The following DERL2 variants were observed in gnomAD, a reference collection of about 807,000 sequenced individuals.
DERL2 encodes derlin 2.
A neutral mutation model predicts 32.0 loss-of-function variants in DERL2; 13 were observed. The observed-to-expected ratio is 0.41, with a 90% CI of 0.26 to 0.65. DERL2 has a LOEUF of 0.65. Among genes scored for constraint, DERL2 ranks in the 30% least tolerant of loss-of-function variants. The pLI is 0.35. For missense variants in DERL2, 208 were observed against 296.3 expected (o/e 0.70, Z 2.19); for synonymous variants, 111 against 104.7 (o/e 1.06, Z -0.37).
chr17:5,476,609 C>A (rs999695840), intron 6 of DERL2, among the ~76,000 whole-genome samples: 1 of 152,062 alleles, frequency 6.6e-6, no homozygotes, highest in African/African-American at 2.4e-5. Context: ...TGGCAAAACC[C>A]TATCTCTACT....
At chr17:5,475,600 G>A (rs1189008119) in intron 6 of DERL2, among the ~76,000 whole-genome samples, 1 of 152,034 alleles carries the variant, frequency 6.6e-6, no homozygotes, top group African/African-American at 2.4e-5. Flanking sequence ...ACAAAAATTA[G>A]CCTGGCGTGG....
rs991438790 is a variant in DERL2 at position 5,472,867 on chromosome 17, A to G, written c.*1817T>C. On this transcript the variant is annotated 3_prime_UTR_variant, in exon 7 of 7. Coordinates refer to ENST00000158771, the MANE Select transcript of DERL2 (RefSeq NM_016041.5). ...AGATAGGATAAAACTTAAGAATCCCATAAGGATTATACATGCTAAGATTGG... is the reference window on the plus strand; with the variant it reads ...AGATAGGATAAAACTTAAGAATCCCGTAAGGATTATACATGCTAAGATTGG... The G allele has an allele frequency of 1.3e-5, 2 of 152,224 alleles. No individual in the cohort carries two copies. Among genetic ancestry groups the G allele is most frequent in the South Asian group, 4.1e-4 (2 of 4,836 alleles). The allele number at this position is 152,224 out of a possible 1,614,324, so 9.4% of individuals were successfully genotyped here.
At chr17:5,486,788 C>T (rs565256822), upstream of DERL2, 4 of 152,560 alleles carry the variant, frequency 2.6e-5, no homozygotes, top group Admixed American at 6.5e-5. Context: ...GTCGGCCTCA[C>T]CCCGGCCTCC....
At chr17:5,485,293 T>C in intron 1 of DERL2, 77 bp from the exon 2 acceptor site, 1 of 1,061,430 alleles carries the variant, frequency 9.4e-7, no homozygotes, top group Non-Finnish European at 1.4e-6. Context: ...TTAGTAGGTC[T>C]AGCAATTTCC....
rs1327936388 is a variant in DERL2, at chr17:5,472,647, T to C, written c.*2037A>G. 4 of 152,166 alleles carry C rather than the reference T, an allele frequency of 2.6e-5. No homozygotes were observed. The highest frequency in any genetic ancestry group is 4.4e-5 in the Non-Finnish European group (3 of 68,030). The allele number at this position is 152,166 out of a possible 1,614,324, so 9.4% of individuals were successfully genotyped here. On this transcript the variant is annotated 3_prime_UTR_variant, in exon 7 of 7. Coordinates refer to ENST00000158771, the MANE Select transcript of DERL2 (RefSeq NM_016041.5). ...ATTAATGTATACAGATATTCCCTACTTAAATGAACAGTGAGTTAACAGATT... is the reference window on the plus strand; with the variant it reads ...ATTAATGTATACAGATATTCCCTACCTAAATGAACAGTGAGTTAACAGATT...
rs1905268283 is a variant in DERL2, at chr17:5,474,544, G to A, written c.*140C>T. On this transcript the variant is annotated 3_prime_UTR_variant, in exon 7 of 7. Coordinates refer to ENST00000158771, the MANE Select transcript of DERL2 (RefSeq NM_016041.5). The surrounding 1 kb of genome is among the most constrained non-coding windows in gnomAD (Gnocchi z 4.3). ...GGAAATGTCTTCTGGATTAGTCAGT[G>A]TACCATTTCATAAAGTGCTTCTGGA... 3.2e-6 allele frequency: 2 copies of A among 634,652 alleles called. No homozygotes were observed. The highest frequency in any genetic ancestry group is 4.0e-5 in the South Asian group (2 of 50,232). The allele number at this position is 634,652 out of a possible 1,614,324, so 39.3% of individuals were successfully genotyped here.
chr17:5,481,437 G>A lies in DERL2; in HGVS notation c.234-48C>T, dbSNP rs1475527513. The A allele has an allele frequency of 3.7e-6, 5 of 1,345,680 alleles. No individual in the cohort carries two copies. Among genetic ancestry groups the A allele is most frequent in the Non-Finnish European group, 5.3e-6 (5 of 941,898 alleles). The allele number at this position is 1,345,680 out of a possible 1,614,324, so 83.4% of individuals were successfully genotyped here. On this transcript the variant is annotated intron_variant, in intron 3 of 6. Coordinates refer to ENST00000158771, the MANE Select transcript of DERL2 (RefSeq NM_016041.5). This position sits in a 1 kb window ranked among gnomAD's most constrained non-coding sequence, Gnocchi z 4.4. ...TATTAAGCACACGAATATGAACAAA[G>A]TAAAAATTTAATGTTATCTTGTAAG...
At chr17:5,485,857 A>G (rs770038554) in intron 1 of DERL2, 4 of 441,182 alleles carry the variant, frequency 9.1e-6, no homozygotes, top group African/African-American at 2.0e-5. Context: ...TCTCTTAGAA[A>G]CTGACCTGAC....
upstream of DERL2, chr17:5,486,303 T>C (rs1318916209): frequency 6.8e-6 from 4 of 591,066 alleles, no homozygotes; most frequent in East Asian, 1.5e-4. Flanking sequence ...GCAACCGCAA[T>C]CCGTAGAGAC....
chr17:5,478,945 G>A (rs1260315067), intron 6 of DERL2, among the ~76,000 whole-genome samples: 1 of 152,102 alleles, frequency 6.6e-6, no homozygotes, highest in Non-Finnish European at 1.5e-5. Context: ...TCAACCTCTC[G>A]AGTAGCTGGG....
Position 5,483,876 on chromosome 17 carries a change from TGACAA to T in DERL2, c.160-999_160-995del, listed in dbSNP as rs751556971. On this transcript the variant is annotated intron_variant, in intron 2 of 6. Coordinates refer to ENST00000158771, the MANE Select transcript of DERL2 (RefSeq NM_016041.5). ...CCATGTGAGTATTGTGCGAACACAG[TGACAA>T]GAGATGACAGGACTGCTTTACAGAC... is the stretch of plus-strand genomic sequence containing the variant. 2.2e-4 allele frequency among the ~76,000 whole-genome samples: 34 copies of T among 152,302 alleles called. No homozygotes were observed. In the East Asian group the frequency reaches 3.5e-3, roughly 16 times the overall value.
rs536498178 is a variant in DERL2 at position 5,479,062 on chromosome 17, C to T, written c.614+992G>A. Among the ~76,000 whole-genome samples, 168 of 152,190 alleles carry T rather than the reference C, an allele frequency of 1.1e-3. 1 individual carries two copies. The highest frequency in any genetic ancestry group is 2.6e-3 in the Admixed American group (39 of 15,278). The stretch of plus-strand genomic sequence containing the variant: ...GTCAAACTCCTGAGTTCAAGTGATC[C>T]GTCTGCCTTCACCTCTCAAAGTGCT... On this transcript the variant is annotated intron_variant, in intron 6 of 6. Coordinates refer to ENST00000158771, the MANE Select transcript of DERL2 (RefSeq NM_016041.5).
chr17:5,473,580 A>G lies in DERL2; in HGVS notation c.*1104T>C, dbSNP rs1324726200. On this transcript the variant is annotated 3_prime_UTR_variant, in exon 7 of 7. Transcript: ENST00000158771. ...CATTCTAACTTGGTTTCCAAATCTA[A>G]TGAAAATCTGAGACCCTGTCTCTAT... The G allele has an allele frequency of 3.3e-5, 5 of 151,426 alleles. No individual in the cohort carries two copies. The highest frequency in any genetic ancestry group is 2.6e-4 in the Admixed American group (4 of 15,190). 9.4% of individuals were successfully genotyped at this position (151,426 alleles called of 1,614,324 possible). A position where few individuals can be genotyped will look rare whatever the true frequency, so the allele number is the denominator to read the frequency against.
intron 1 of DERL2, 32 bp from the exon 2 acceptor site, chr17:5,485,248 T>TCAAA: frequency 6.7e-7 from 1 of 1,486,520 alleles, no homozygotes; most frequent in Non-Finnish European, 9.1e-7. Context: ...TTAAAGCAAA[T>TCAAA]CAAGAAACAA....
chr17:5,476,985 A>G (rs1905432015), intron 6 of DERL2, among the ~76,000 whole-genome samples: 1 of 152,116 alleles, frequency 6.6e-6, no homozygotes, highest in African/African-American at 2.4e-5. Context: ...GGGGAATCTG[A>G]GGGTGAGTGA....
At position 5,473,779 on chromosome 17, in the gene DERL2, C is replaced by T. The variant is rs1305436454; in HGVS notation, c.*905G>A. 1 of 150,706 alleles carries T rather than the reference C, an allele frequency of 6.6e-6. No homozygotes were observed. The highest frequency in any genetic ancestry group is 2.4e-5 in the African/African-American group (1 of 40,898). The allele number at this position is 150,706 out of a possible 1,614,324, so 9.3% of individuals were successfully genotyped here. A position where few individuals can be genotyped will look rare whatever the true frequency, so the allele number is the denominator to read the frequency against. ...CCAGCCTGGGCAACACAGTGAGACC[C>T]CATCTGTATTTAAAAAAAAATTTTT... On this transcript the variant is annotated 3_prime_UTR_variant, in exon 7 of 7. Coordinates refer to ENST00000158771, the MANE Select transcript of DERL2 (RefSeq NM_016041.5).
Position 5,485,114 on chromosome 17 carries a change from A to G in DERL2, c.159+37T>C, listed in dbSNP as rs934723997. 20 of 1,407,990 alleles carry G rather than the reference A, an allele frequency of 1.4e-5. No homozygotes were observed. The African/African-American group carries it at 2.9e-4, about 21-fold the overall frequency. 87.2% of individuals were successfully genotyped at this position (1,407,990 alleles called of 1,614,324 possible). On this transcript the variant is annotated intron_variant, in intron 2 of 6. Coordinates refer to ENST00000158771, the MANE Select transcript of DERL2 (RefSeq NM_016041.5). ...TACTAAACAGTAAGAAAAAGAAGAAACTGAAGCATTAATCACTATTGTGAT... is the reference window on the plus strand; with the variant it reads ...TACTAAACAGTAAGAAAAAGAAGAAGCTGAAGCATTAATCACTATTGTGAT...
chr17:5,485,106 A>C, intron 2 of DERL2, 45 bp downstream of exon 2: 1 of 1,372,594 alleles, frequency 7.3e-7, no homozygotes, highest in Non-Finnish European at 1.0e-6. Flanking sequence ...CAGTAAGAAA[A>C]AGAAGAAACT....
Position 5,486,049 on chromosome 17 carries a change from G to T in DERL2, c.93+20C>A. On this transcript the variant is annotated intron_variant, in intron 1 of 6. Coordinates refer to ENST00000158771, the MANE Select transcript of DERL2 (RefSeq NM_016041.5). ...CATATCCAGCCCAGATAATGAGAAG[G>T]TGGCACTGCAGCTGCTCACCACGGC... 1 of 1,602,562 alleles carries T rather than the reference G, an allele frequency of 6.2e-7. No individual in the cohort carries two copies. Among genetic ancestry groups the T allele is most frequent in the Non-Finnish European group, 8.5e-7 (1 of 1,173,220 alleles).
Sources: gnomAD v4.1 joint callset for allele counts (sites outside exome capture counted in the v4.1 genomes callset) on GRCh38, gnomAD v4.1.1 for gene constraint, Gnocchi (gnomAD v3.1) non-coding constraint, MANE v1.5 for transcripts, NCBI Gene and HGNC (gene_info 2026-07-23, HGNC 2026-07-21) for gene names.